The following MAP4K3 variants were observed in gnomAD, a reference collection of about 807,000 sequenced individuals.
The protein encoded by MAP4K3 is mitogen-activated protein kinase kinase kinase kinase 3.
MAP4K3 carries 94 observed loss-of-function variants against 143.5 expected under a neutral mutation model. That is an observed-to-expected ratio of 0.65 (90% CI 0.55 to 0.78). The LOEUF is 0.78. Ranked by LOEUF, MAP4K3 falls within the 30% of genes least tolerant of loss-of-function variation. The pLI is 0.00. For synonymous variants in MAP4K3, 416 were observed against 347.2 expected (o/e 1.20, Z -2.20); for missense variants, 1,077 against 1,068.1 (o/e 1.01, Z -0.12).
chr2:39,255,374 T>C (rs1680303456), intron 31 of MAP4K3, among the ~76,000 whole-genome samples: 1 of 152,238 alleles, frequency 6.6e-6, no homozygotes, highest in South Asian at 2.1e-4. Flanking sequence ...ATTTTTAATA[T>C]ACTTTTTGGC....
chr2:39,324,879 T>A (rs1181500485), intron 12 of MAP4K3, among the ~76,000 whole-genome samples: 1 of 152,248 alleles, frequency 6.6e-6, no homozygotes, highest in East Asian at 1.9e-4. Flanking sequence ...CTATACTGGC[T>A]CATTTTAAAA....
chr2:39,367,422 C>G (rs764184187), intron 2 of MAP4K3, among the ~76,000 whole-genome samples: 1 of 151,802 alleles, frequency 6.6e-6, no homozygotes. Flanking sequence ...AGCCTGTAGT[C>G]GCAGCTACTT....
At chr2:39,351,020 C>T (rs1363244285) in intron 3 of MAP4K3, among the ~76,000 whole-genome samples, 1 of 152,122 alleles carries the variant, frequency 6.6e-6, no homozygotes, top group Admixed American at 6.5e-5. Context: ...ATTTACATAG[C>T]ATTTACACTG....
rs369736246 is a variant in MAP4K3 at position 39,435,103 on chromosome 2, A to C, written c.96+1789T>G. ...TTAGTTAACTTTTCATCGCAATATA[A>C]GCGAACTCCCCCAACCAGTCATAAG... On this transcript the variant is annotated intron_variant, in intron 1 of 33. Coordinates refer to ENST00000263881, the MANE Select transcript of MAP4K3 (RefSeq NM_003618.4). 3.9e-5 allele frequency among the ~76,000 whole-genome samples: 6 copies of C among 152,300 alleles called. No individual in the cohort carries two copies. In the East Asian group the frequency reaches 9.6e-4, roughly 24 times the overall value.
chr2:39,296,006 G>A (rs138064094), intron 16 of MAP4K3, among the ~76,000 whole-genome samples: 1 of 152,186 alleles, frequency 6.6e-6, no homozygotes, highest in African/African-American at 2.4e-5. Flanking sequence ...TATAAGCCGT[G>A]AGCCATCACA....
At chr2:39,420,872 T>A (rs1282614910) in intron 1 of MAP4K3, among the ~76,000 whole-genome samples, 1 of 152,066 alleles carries the variant, frequency 6.6e-6, no homozygotes, top group African/African-American at 2.4e-5. Flanking sequence ...TCCCTACGGG[T>A]TCCTTCAAAT....
chr2:39,362,478 C>A (rs946932983), intron 2 of MAP4K3, among the ~76,000 whole-genome samples: 1 of 152,194 alleles, frequency 6.6e-6, no homozygotes, highest in Admixed American at 6.5e-5. Context: ...GCAACAGCAT[C>A]AAAAAGAATA....
chr2:39,416,106 A>G (rs906928699), intron 1 of MAP4K3, among the ~76,000 whole-genome samples: 30 of 148,736 alleles, frequency 2.0e-4, no homozygotes, highest in African/African-American at 7.2e-4. Flanking sequence ...ATTCAATTAT[A>G]TGGTAAATTG....
Position 39,260,745 on chromosome 2 carries a change from T to G in MAP4K3, c.2169A>C (p.Arg723Ser). The G allele has an allele frequency of 6.2e-7, 1 of 1,613,314 alleles. No individual in the cohort carries two copies. The highest frequency in any genetic ancestry group is 8.5e-7 in the Non-Finnish European group (1 of 1,179,320). Residue 723 changes from arginine (R) to serine (S), a missense_variant, in exon 29 of 34, where the codon AGA becomes AGC. This residue lies in a region of MAP4K3 where 864 missense variants were observed against 801.2 expected (regional missense o/e 1.08). Transcript: ENST00000263881. ...HIDFPIPCPL[R>S]MFEMLVVPEQ... ...CAGGAACTACCAGCATTTCAAACAT[T>G]CTAAGTGGACATGGTATAGGAAAAT... is the stretch of plus-strand genomic sequence containing the variant.
chr2:39,284,156 T>G (rs1681662054), intron 21 of MAP4K3, among the ~76,000 whole-genome samples: 1 of 152,164 alleles, frequency 6.6e-6, no homozygotes, highest in Non-Finnish European at 1.5e-5. Flanking sequence ...AACATCTTTT[T>G]TTGTTGTTGT....
intron 1 of MAP4K3, among the ~76,000 whole-genome samples, chr2:39,393,661 G>A (rs1168952496): frequency 6.6e-6 from 1 of 152,106 alleles, no homozygotes; most frequent in Non-Finnish European, 1.5e-5. Flanking sequence ...AATCTGGGGT[G>A]AATGAACCAA....
intron 23 of MAP4K3, among the ~76,000 whole-genome samples, chr2:39,279,016 A>G (rs185385786): frequency 6.6e-6 from 1 of 152,312 alleles, no homozygotes; most frequent in East Asian, 1.9e-4. Context: ...AAGCATGGCC[A>G]TCGTCCTTTC....
At chr2:39,372,475 G>C (rs568869052) in intron 2 of MAP4K3, among the ~76,000 whole-genome samples, 55 of 149,458 alleles carry the variant, frequency 3.7e-4, no homozygotes, top group African/African-American at 1.3e-3. Flanking sequence ...ACCTAAAATA[G>C]CCAAAGCTAT....
At chr2:39,353,331 GAAGAA>G (rs1342451273) in intron 3 of MAP4K3, among the ~76,000 whole-genome samples, 3 of 152,166 alleles carry the variant, frequency 2.0e-5, no homozygotes, top group African/African-American at 4.8e-5. Flanking sequence ...AATCTCTACA[GAAGAA>G]AAGAGCAAGA....
At chr2:39,422,975 A>ACAAT (rs1664924650) in intron 1 of MAP4K3, among the ~76,000 whole-genome samples, 1 of 152,224 alleles carries the variant, frequency 6.6e-6, no homozygotes, top group African/African-American at 2.4e-5. Flanking sequence ...GACATTGTTA[A>ACAAT]GAGAATGAAA....
chr2:39,339,020 A>C (rs563710893), intron 4 of MAP4K3, among the ~76,000 whole-genome samples: 13 of 152,246 alleles, frequency 8.5e-5, no homozygotes, highest in Non-Finnish European at 1.5e-4. Context: ...TTTCTTTTTC[A>C]CTATTAAATC....
chr2:39,303,985 T>C (rs1039244300), intron 15 of MAP4K3, among the ~76,000 whole-genome samples: 2 of 152,236 alleles, frequency 1.3e-5, no homozygotes, highest in Non-Finnish European at 2.9e-5. Context: ...GCAGATAGCA[T>C]TTTGCAGATC....
intron 1 of MAP4K3, among the ~76,000 whole-genome samples, chr2:39,415,610 T>G (rs1372620181): frequency 3.3e-5 from 5 of 152,232 alleles, no homozygotes; most frequent in Admixed American, 3.3e-4. Flanking sequence ...TAAATTAATG[T>G]CAGGCATTAA....
At chr2:39,411,371 T>C (rs1012756880) in intron 1 of MAP4K3, among the ~76,000 whole-genome samples, 6 of 152,172 alleles carry the variant, frequency 3.9e-5, no homozygotes, top group African/African-American at 1.2e-4. Flanking sequence ...CCAATTTACA[T>C]TCCCTCTCTA....
Sources: gnomAD v4.1 joint callset for allele counts (sites outside exome capture counted in the v4.1 genomes callset) on GRCh38, gnomAD v4.1.1 for gene constraint, gnomAD v4.1.1 regional missense constraint, MANE v1.5 for transcripts, NCBI Gene and HGNC (gene_info 2026-07-23, HGNC 2026-07-21) for gene names.